Variants in SLC4A4 observed in about 807,000 individuals in gnomAD.
SLC4A4 encodes electrogenic sodium bicarbonate cotransporter 1.
Under a neutral mutation model 111.5 loss-of-function variants are expected in SLC4A4, and 27 were observed. That is an observed-to-expected ratio of 0.24 (90% CI 0.18 to 0.33). The LOEUF (loss-of-function observed/expected upper bound fraction) is 0.33, where lower values mean the gene tolerates loss of function less well. Among genes scored for constraint, SLC4A4 ranks in the 10% least tolerant of loss-of-function variants. The pLI is 1.00. For missense variants in SLC4A4, 909 were observed against 1,315.5 expected, an observed-to-expected ratio of 0.69 and a Z score of 4.78; for synonymous variants, 443 against 463.4, an observed-to-expected ratio of 0.96 and a Z score of 0.57.
chr4:71,520,633 G>A (rs6842334), intron 16 of SLC4A4, among the ~76,000 whole-genome samples: 90,141 of 152,044 alleles, frequency 0.59, 29,250 homozygotes, highest in Non-Finnish European at 0.74. Context: ...ATAAATTTAA[G>A]GAGTTTTCTG....
intron 1 of SLC4A4, among the ~76,000 whole-genome samples, chr4:71,201,526 T>C (rs1458714928): frequency 6.6e-6 from 1 of 152,238 alleles, no homozygotes; most frequent in Non-Finnish European, 1.5e-5. Flanking sequence ...CGGGGGACTC[T>C]GTGCTTCCAA....
chr4:71,327,571 G>A (rs1412340036), intron 3 of SLC4A4, among the ~76,000 whole-genome samples: 1 of 151,904 alleles, frequency 6.6e-6, no homozygotes, highest in Non-Finnish European at 1.5e-5. Flanking sequence ...TATAACAAAT[G>A]CAAAACATTT....
At chr4:71,074,272 A>G (rs1741750497) in intron 1 of SLC4A4, among the ~76,000 whole-genome samples, 1 of 152,204 alleles carries the variant, frequency 6.6e-6, no homozygotes, top group Admixed American at 6.5e-5. Flanking sequence ...AGCTGTAAAG[A>G]GGAGAATAGG....
At chr4:71,526,774 T>C (rs1733456499) in intron 16 of SLC4A4, among the ~76,000 whole-genome samples, 1 of 152,056 alleles carries the variant, frequency 6.6e-6, no homozygotes, top group Non-Finnish European at 1.5e-5. Context: ...TGGGCAGGAC[T>C]GCATTCCTTC....
intron 14 of SLC4A4, among the ~76,000 whole-genome samples, chr4:71,475,711 C>T (rs1247788755): frequency 3.3e-5 from 5 of 151,856 alleles, no homozygotes. Flanking sequence ...GTATATTAGC[C>T]CCATCTTCCT....
At chr4:71,142,743 G>A (rs903919327) in intron 2 of SLC4A4, among the ~76,000 whole-genome samples, 11 of 148,978 alleles carry the variant, frequency 7.4e-5, no homozygotes, top group African/African-American at 2.7e-4. Flanking sequence ...CATTCCAAAG[G>A]CACAAACTTT....
At chr4:71,332,062 CT>C (rs1405588466) in intron 3 of SLC4A4, among the ~76,000 whole-genome samples, 1 of 152,080 alleles carries the variant, frequency 6.6e-6, no homozygotes, top group Non-Finnish European at 1.5e-5. Flanking sequence ...TTTGGGTTCT[CT>C]CTTTTTTTCT....
chr4:71,072,232 C>G (rs1310929749), intron 1 of SLC4A4, among the ~76,000 whole-genome samples: 1 of 152,046 alleles, frequency 6.6e-6, no homozygotes, highest in Non-Finnish European at 1.5e-5. Flanking sequence ...ACGTTTAAAA[C>G]TTTTATGTAC....
chr4:71,517,543 CT>C (rs1487734652), intron 16 of SLC4A4, among the ~76,000 whole-genome samples: 6 of 151,978 alleles, frequency 3.9e-5, no homozygotes, highest in Non-Finnish European at 5.9e-5. Context: ...AGCATCCTGT[CT>C]TTTTAGAAAG....
intron 3 of SLC4A4, among the ~76,000 whole-genome samples, chr4:71,280,484 A>C (rs372834302): frequency 1.4e-4 from 22 of 152,278 alleles, no homozygotes; most frequent in East Asian, 9.6e-4. Context: ...GATTAATATC[A>C]TGGAGTTTTT....
At chr4:71,565,068 A>G (rs1408313298) in intron 24 of SLC4A4, among the ~76,000 whole-genome samples, 3 of 151,636 alleles carry the variant, frequency 2.0e-5, no homozygotes, top group African/African-American at 4.8e-5. Flanking sequence ...TATACTCCAC[A>G]GTGTGGGAGT....
intron 6 of SLC4A4, among the ~76,000 whole-genome samples, chr4:71,367,763 C>T (rs1424222595): frequency 1.3e-5 from 2 of 152,190 alleles, no homozygotes; most frequent in African/African-American, 2.4e-5. Context: ...ATGGCCTGCT[C>T]ACAAGTCCTG....
intron 13 of SLC4A4, among the ~76,000 whole-genome samples, chr4:71,467,277 C>T (rs1295842487): frequency 6.6e-6 from 1 of 152,092 alleles, no homozygotes; most frequent in Non-Finnish European, 1.5e-5. Flanking sequence ...ATTAAGTTCA[C>T]ATCATTCAAT....
intron 6 of SLC4A4, among the ~76,000 whole-genome samples, chr4:71,377,047 T>A (rs566141994): frequency 1.3e-5 from 2 of 152,366 alleles, no homozygotes; most frequent in Non-Finnish European, 2.9e-5. Flanking sequence ...ATACGACTTA[T>A]GTTAACACGC....
intron 2 of SLC4A4, among the ~76,000 whole-genome samples, chr4:71,115,375 CACAA>C (rs1051079210): frequency 4.0e-5 from 6 of 151,384 alleles, no homozygotes; most frequent in African/African-American, 1.5e-4. Flanking sequence ...GAAGGAAACA[CACAA>C]ACAAACAAAC....
At chr4:71,083,411 C>T (rs1742049321) in intron 1 of SLC4A4, among the ~76,000 whole-genome samples, 1 of 151,826 alleles carries the variant, frequency 6.6e-6, no homozygotes, top group Non-Finnish European at 1.5e-5. Context: ...CCAATAGCTA[C>T]TTTAAATTCC....
At chr4:71,205,813 A>G (rs956039197) in intron 1 of SLC4A4, among the ~76,000 whole-genome samples, 11 of 152,252 alleles carry the variant, frequency 7.2e-5, no homozygotes, top group Non-Finnish European at 1.6e-4. Context: ...ATGCAGTCAA[A>G]ACCAGTGAAC....
In SLC4A4 at chr4:71,493,136, T is replaced by C. The variant is rs575428878; in HGVS notation, c.1975-4365T>C. Among the ~76,000 whole-genome samples, 15 of 152,084 alleles carry C rather than the reference T, an allele frequency of 9.9e-5. No individual in the cohort carries two copies. In the East Asian group the frequency reaches 2.3e-3, roughly 24 times the overall value. On this transcript the variant is annotated intron_variant, in intron 15 of 25. Transcript: ENST00000264485. ...TTAACTCAAAATATTCTATATCTAA[T>C]TGAAATAGTTTTGCCAGATTTAGCA...
intron 22 of SLC4A4, among the ~76,000 whole-genome samples, chr4:71,559,253 A>G (rs1736745203): frequency 6.6e-6 from 1 of 151,904 alleles, no homozygotes. Context: ...TAATTTTAAT[A>G]TAGAATAAAG....
Sources: allele counts gnomAD v4.1 joint callset (sites outside exome capture counted in the v4.1 genomes callset), GRCh38; gene constraint gnomAD v4.1.1; transcripts MANE v1.5; gene names NCBI Gene and HGNC (gene_info 2026-07-23, HGNC 2026-07-21).